The following MARCHF1 variants were observed in gnomAD, a reference collection of about 807,000 sequenced individuals.
MARCHF1 encodes the protein membrane associated ring-CH-type finger 1, also known as E3 ubiquitin-protein ligase MARCHF1.
MARCHF1 carries 40 observed loss-of-function variants against 54.2 expected under a neutral mutation model. The ratio of observed to expected loss-of-function variants is 0.74; its 90% confidence interval spans 0.57 to 0.96. The LOEUF (loss-of-function observed/expected upper bound fraction) is 0.96, where lower values mean the gene tolerates loss of function less well. MARCHF1 is among the 40% of genes least tolerant of loss of function. The probability of loss-of-function intolerance (pLI) is 0.00; values close to 1 mark genes in which losing one functional copy is unlikely to be tolerated. For missense variants in MARCHF1, 586 were observed against 656.5 expected, an observed-to-expected ratio of 0.89 and a Z score of 1.17; for synonymous variants, 236 against 236.3, an observed-to-expected ratio of 1.00 and a Z score of 0.01.
intron 1 of MARCHF1, among the ~76,000 whole-genome samples, chr4:164,163,082 T>C (rs771150288): frequency 9.2e-5 from 14 of 151,950 alleles, no homozygotes; most frequent in Non-Finnish European, 1.8e-4. Flanking sequence ...AAAAGACAAA[T>C]ATTTTGTCAT....
At chr4:163,896,219 T>A (rs180758266) in intron 3 of MARCHF1, among the ~76,000 whole-genome samples, 1 of 152,284 alleles carries the variant, frequency 6.6e-6, no homozygotes, top group Admixed American at 6.5e-5. Flanking sequence ...CAATTAATTA[T>A]AACAACAATA....
chr4:164,118,130 A>AT (rs1414664150), intron 1 of MARCHF1, among the ~76,000 whole-genome samples: 6 of 152,022 alleles, frequency 3.9e-5, no homozygotes, highest in African/African-American at 1.5e-4. Flanking sequence ...CTAACAAAAA[A>AT]ACATAAAATG....
chr4:164,360,297 G>A (rs919662735), intron 1 of MARCHF1, among the ~76,000 whole-genome samples: 1 of 152,046 alleles, frequency 6.6e-6, no homozygotes, highest in Non-Finnish European at 1.5e-5. Flanking sequence ...CAGGTACAGT[G>A]GTCTCTTAGG....
At position 164,330,174 on chromosome 4, in the gene MARCHF1, T is replaced by TA. The variant is rs10713917; in HGVS notation, c.-323+53695dup. 353 of 143,738 alleles carry TA rather than the reference T, an allele frequency of 2.5e-3. 3 individuals are homozygous for TA. Among genetic ancestry groups the TA allele is most frequent in the Middle Eastern group, 0.014 (4 of 276 alleles). 8.9% of individuals were successfully genotyped at this position (143,738 alleles called of 1,614,324 possible). A position where few individuals can be genotyped will look rare whatever the true frequency, so the allele number is the denominator to read the frequency against. On this transcript the variant is annotated intron_variant, in intron 1 of 9. Coordinates refer to ENST00000514618, the MANE Select transcript of MARCHF1 (RefSeq NM_001394959.1). ...AAATTCAGCTTCTGTGAAGGAAGGT[T>TA]AAAAAAAAAAAAAAACAAAAACAAA...
intron 4 of MARCHF1, among the ~76,000 whole-genome samples, chr4:163,803,087 C>G (rs755257995): frequency 1.3e-5 from 2 of 152,134 alleles, no homozygotes; most frequent in Non-Finnish European, 2.9e-5. Flanking sequence ...CTGGAAGGAG[C>G]AGTTCACACG....
intron 8 of MARCHF1, among the ~76,000 whole-genome samples, chr4:163,550,700 T>C (rs746005157): frequency 2.2e-4 from 34 of 152,192 alleles, no homozygotes; most frequent in Admixed American, 5.9e-4. Context: ...TATCACATTA[T>C]TTACATGCCT....
intron 2 of MARCHF1, among the ~76,000 whole-genome samples, chr4:164,060,025 A>T (rs1481415750): frequency 5.3e-5 from 8 of 152,124 alleles, no homozygotes; most frequent in African/African-American, 1.2e-4. Context: ...TTGTAGAATA[A>T]ACATTTTGCC....
chr4:164,136,377 A>C (rs1370569280), intron 1 of MARCHF1, among the ~76,000 whole-genome samples: 1 of 151,834 alleles, frequency 6.6e-6, no homozygotes, highest in Non-Finnish European at 1.5e-5. Context: ...GCTAAGTGCC[A>C]ACAGATATCC....
chr4:164,270,987 CAT>C (rs990966510), intron 1 of MARCHF1, among the ~76,000 whole-genome samples: 1 of 151,972 alleles, frequency 6.6e-6, no homozygotes, highest in African/African-American at 2.4e-5. Context: ...AAAATAAACT[CAT>C]GTACCATAAT....
intron 5 of MARCHF1, among the ~76,000 whole-genome samples, chr4:163,632,438 C>T (rs911642727): frequency 4.6e-5 from 7 of 151,992 alleles, no homozygotes; most frequent in African/African-American, 9.7e-5. Context: ...ACTCAGGAAG[C>T]GCAAGGGGTC....
chr4:164,118,494 G>A (rs1755988962), intron 1 of MARCHF1, among the ~76,000 whole-genome samples: 1 of 150,426 alleles, frequency 6.6e-6, no homozygotes, highest in African/African-American at 2.4e-5. Flanking sequence ...ATACAAAATA[G>A]AACAAGGAGA....
In MARCHF1 at chr4:163,984,710, C is replaced by A. The variant is rs60089030; in HGVS notation, c.-39+3791G>T. Among the ~76,000 whole-genome samples, 1,162 of 152,128 alleles carry A rather than the reference C, an allele frequency of 7.6e-3. 20 individuals carry two copies. Among genetic ancestry groups the A allele is most frequent in the African/African-American group, 0.027 (1,128 of 41,476 alleles). On this transcript the variant is annotated intron_variant, in intron 3 of 9. Transcript: ENST00000514618. The stretch of plus-strand genomic sequence containing the variant: ...GAATGTGATTAATAAAATTCACTGC[C>A]CTTGTAAGAGACAGATGTCTTTTAG...
intron 1 of MARCHF1, among the ~76,000 whole-genome samples, chr4:164,214,351 T>A (rs1731868274): frequency 1.3e-5 from 2 of 152,190 alleles, no homozygotes; most frequent in South Asian, 4.1e-4. Context: ...CATGAAACCA[T>A]GTTGTACTTG....
intron 1 of MARCHF1, among the ~76,000 whole-genome samples, chr4:164,363,859 G>GTC (rs1450831185): frequency 1.3e-5 from 2 of 151,988 alleles, no homozygotes; most frequent in East Asian, 3.9e-4. Context: ...GAATGTAGGG[G>GTC]TCTTCTGGTG....
Position 163,685,250 on chromosome 4 carries a change from C to T in MARCHF1, c.162+15563G>A, listed in dbSNP as rs945034946. 5.3e-5 allele frequency among the ~76,000 whole-genome samples: 8 copies of T among 151,872 alleles called. 1 individual carries two copies. The highest frequency in any genetic ancestry group is 2.0e-4 in the Admixed American group (3 of 15,240). The stretch of plus-strand genomic sequence containing the variant: ...GGTGCAGTTTCTCAGAACATTTTGA[C>T]GGCAGTTAAGTGAAGACTTAATGTA... On this transcript the variant is annotated intron_variant, in intron 5 of 9. Transcript: ENST00000514618.
At chr4:164,104,404 A>G (rs1755644153) in intron 2 of MARCHF1, among the ~76,000 whole-genome samples, 1 of 59,394 alleles carries the variant, frequency 1.7e-5, no homozygotes, top group African/African-American at 4.5e-5. Flanking sequence ...GCACATCAAA[A>G]AGCTTATCCA....
chr4:164,377,019 C>G (rs1205788907), intron 1 of MARCHF1, among the ~76,000 whole-genome samples: 1 of 152,154 alleles, frequency 6.6e-6, no homozygotes, highest in African/African-American at 2.4e-5. Flanking sequence ...CCTGATGTGC[C>G]TCAGGACACT....
At chr4:164,258,510 C>G (rs1733360761) in intron 1 of MARCHF1, among the ~76,000 whole-genome samples, 1 of 151,802 alleles carries the variant, frequency 6.6e-6, no homozygotes, top group Non-Finnish European at 1.5e-5. Context: ...CAGAGCCTTT[C>G]TTATTTTCTA....
intron 5 of MARCHF1, among the ~76,000 whole-genome samples, chr4:163,697,548 G>A (rs56326515): frequency 0.32 from 49,362 of 151,970 alleles, 9,574 homozygotes; most frequent in Non-Finnish European, 0.45. Context: ...CTCAACTAAT[G>A]TTGATGATGA....
Sources: allele counts gnomAD v4.1 joint callset (sites outside exome capture counted in the v4.1 genomes callset), GRCh38; gene constraint gnomAD v4.1.1; transcripts MANE v1.5; gene names NCBI Gene and HGNC (gene_info 2026-07-23, HGNC 2026-07-21).